Variants in FBXL13 observed in about 807,000 individuals in gnomAD.
FBXL13 encodes the protein F-box and leucine rich repeat protein 13.
A neutral mutation model predicts 83.6 loss-of-function variants in FBXL13; 67 were observed. That is an observed-to-expected ratio of 0.80 (90% CI 0.66 to 0.98). FBXL13 has a LOEUF of 0.98. Among genes scored for constraint, FBXL13 ranks in the 50% least tolerant of loss-of-function variants. The probability of loss-of-function intolerance (pLI) is 0.00; values close to 1 mark genes in which losing one functional copy is unlikely to be tolerated. For missense variants in FBXL13, 822 were observed against 866.5 expected (o/e 0.95, Z 0.64); for synonymous variants, 272 against 299.5 (o/e 0.91, Z 0.95).
rs908390492 is a variant in FBXL13 at position 102,822,178 on chromosome 7, A to T, written c.1880T>A (p.Leu627Ter). 2 of 1,614,152 alleles carry T rather than the reference A, an allele frequency of 1.2e-6. No individual in the cohort carries two copies. The highest frequency in any genetic ancestry group is 1.7e-6 in the Non-Finnish European group (2 of 1,180,000). ...GTGCAGGTAATGGCATTTTGCCGAT[A>T]ACATCTCCATTGCTGAGTCAGTAAT... Residue 627 changes from leucine to a stop codon, truncating the protein, a stop_gained, in exon 19 of 20, where the codon TTA (leucine) becomes TAA (stop). Transcript: ENST00000313221. LOFTEE classifies it high-confidence loss of function.
At chr7:102,837,893 C>T (rs1240562284) in intron 17 of FBXL13, among the ~76,000 whole-genome samples, 1 of 152,238 alleles carries the variant, frequency 6.6e-6, no homozygotes, top group East Asian at 1.9e-4. Context: ...AGTGTCTTAT[C>T]TTCTGCATTG....
intron 1 of FBXL13, 40 bp from the exon 2 acceptor site, chr7:103,055,787 T>C: frequency 1.0e-6 from 1 of 962,952 alleles, no homozygotes; most frequent in Non-Finnish European, 1.4e-6. Flanking sequence ...GTTTCTGAAT[T>C]TTCACGTTTT....
In FBXL13 at chr7:103,073,766, G is replaced by C. The variant is rs563869144; in HGVS notation, c.-105+480C>G. On this transcript the variant is annotated intron_variant, in intron 1 of 19. Coordinates refer to ENST00000313221, the Ensembl canonical transcript of FBXL13. ...CTCAATTACCATCCAAAAAAGAGACGGGTGGGGGGTCTCTACCAAATTGCC... is the reference window on the plus strand; with the variant it reads ...CTCAATTACCATCCAAAAAAGAGACCGGTGGGGGGTCTCTACCAAATTGCC... Among the ~76,000 whole-genome samples the C allele has an allele frequency of 1.2e-4, 19 of 152,062 alleles. No homozygotes were observed. In the South Asian group the frequency reaches 4.0e-3, roughly 32 times the overall value.
At chr7:103,003,280 T>G (rs1484772486) in intron 6 of FBXL13, among the ~76,000 whole-genome samples, 2 of 93,256 alleles carry the variant, frequency 2.1e-5, no homozygotes, top group East Asian at 2.4e-4. Context: ...GTTTTGGGGT[T>G]TTTTTTTTTT....
intron 8 of FBXL13, chr7:102,939,307 GC>G (rs1313145346): frequency 2.6e-6 from 2 of 758,644 alleles, no homozygotes; most frequent in Admixed American, 5.8e-5. Flanking sequence ...ACTTTCTTTG[GC>G]TTTAGATATC....
At chr7:102,848,602 A>AAAAAAAAT in intron 17 of FBXL13, among the ~76,000 whole-genome samples, 1 of 140,066 alleles carries the variant, frequency 7.1e-6, no homozygotes, top group Non-Finnish European at 1.6e-5. Context: ...AAAAAAAAAA[A>AAAAAAAAT]TACACATTCG....
chr7:103,042,213 C>T (rs1281968929), intron 2 of FBXL13, among the ~76,000 whole-genome samples: 1 of 152,146 alleles, frequency 6.6e-6, no homozygotes, highest in African/African-American at 2.4e-5. Context: ...TGAGTGAACT[C>T]CCATTCACAA....
At chr7:102,856,088 G>C (rs1225402687) in intron 16 of FBXL13, among the ~76,000 whole-genome samples, 1 of 151,914 alleles carries the variant, frequency 6.6e-6, no homozygotes, top group Non-Finnish European at 1.5e-5. Context: ...GTTTTTATTT[G>C]TTTCTTCAGT....
At chr7:102,855,286 T>C (rs1356810897) in intron 16 of FBXL13, among the ~76,000 whole-genome samples, 1 of 152,216 alleles carries the variant, frequency 6.6e-6, no homozygotes, top group Non-Finnish European at 1.5e-5. Context: ...TTTAGCTCAT[T>C]TTATAATGAT....
chr7:102,836,636 CTG>C (rs779441661), intron 17 of FBXL13, among the ~76,000 whole-genome samples: 4 of 152,178 alleles, frequency 2.6e-5, no homozygotes, highest in Non-Finnish European at 4.4e-5. Context: ...GCCAATTTTG[CTG>C]TGTGTTGGCA....
intron 6 of FBXL13, among the ~76,000 whole-genome samples, chr7:103,016,347 C>T (rs191492118): frequency 3.3e-5 from 5 of 151,774 alleles, no homozygotes; most frequent in African/African-American, 1.2e-4. Flanking sequence ...TCCAAGATGG[C>T]CGAATAGGAA....
chr7:102,949,110 A>G (rs565793727), intron 8 of FBXL13, among the ~76,000 whole-genome samples: 2 of 152,194 alleles, frequency 1.3e-5, no homozygotes, highest in Non-Finnish European at 2.9e-5. Flanking sequence ...AGCCCAAAAG[A>G]GTAGCCAATA....
At chr7:103,073,369 G>A (rs1261100505) in intron 1 of FBXL13, among the ~76,000 whole-genome samples, 2 of 152,132 alleles carry the variant, frequency 1.3e-5, no homozygotes, top group Admixed American at 1.3e-4. Context: ...TGTAGTCCTA[G>A]CTACTTGGGA....
intron 17 of FBXL13, chr7:102,834,456 TA>T (rs1554405384): frequency 4.9e-5 from 2 of 40,688 alleles, no homozygotes; most frequent in East Asian, 1.5e-3. Flanking sequence ...TATATGTGAT[TA>T]TATATATATA....
intron 6 of FBXL13, among the ~76,000 whole-genome samples, chr7:102,995,452 G>A (rs1830001906): frequency 1.7e-5 from 2 of 119,352 alleles, no homozygotes; most frequent in Admixed American, 1.1e-4. Flanking sequence ...CTGCACTCCA[G>A]CCTGGATGAC....
At chr7:102,934,362 T>C in intron 8 of FBXL13, 1 of 1,614,164 alleles carries the variant, frequency 6.2e-7, no homozygotes, top group Non-Finnish European at 8.5e-7. Context: ...GAAGTGTTCA[T>C]TTACACACCT....
intron 6 of FBXL13, among the ~76,000 whole-genome samples, chr7:103,006,726 A>G (rs1000333679): frequency 6.6e-6 from 1 of 152,212 alleles, no homozygotes; most frequent in African/African-American, 2.4e-5. Context: ...AGATTTGTAA[A>G]GAAGCAGGAA....
At chr7:102,889,520 T>C (rs546454376) in intron 11 of FBXL13, among the ~76,000 whole-genome samples, 34 of 152,300 alleles carry the variant, frequency 2.2e-4, no homozygotes, top group African/African-American at 7.2e-4. Context: ...CAACAACTCG[T>C]CATTTACATT....
intron 6 of FBXL13, among the ~76,000 whole-genome samples, chr7:102,968,851 T>C (rs1826274698): frequency 6.6e-6 from 1 of 152,092 alleles, no homozygotes; most frequent in Non-Finnish European, 1.5e-5. Context: ...TGCAGAGACA[T>C]AAGAAAGTCA....
Sources: allele counts gnomAD v4.1 joint callset (sites outside exome capture counted in the v4.1 genomes callset), GRCh38; gene constraint gnomAD v4.1.1; transcripts MANE v1.5; gene names NCBI Gene and HGNC (gene_info 2026-07-23, HGNC 2026-07-21).